Variants in DDC observed in about 807,000 individuals in gnomAD.
The protein encoded by DDC is aromatic-L-amino-acid decarboxylase.
Under a neutral mutation model 60.0 loss-of-function variants are expected in DDC, and 43 were observed. The observed-to-expected ratio is 0.72, with a 90% CI of 0.56 to 0.92. The LOEUF (loss-of-function observed/expected upper bound fraction) is 0.92. DDC is among the 40% of genes least tolerant of loss of function. The pLI is 0.00. For synonymous variants in DDC, 232 were observed against 234.6 expected (o/e 0.99, Z 0.10); for missense variants, 573 against 620.2 (o/e 0.92, Z 0.81).
intron 1 of DDC, among the ~76,000 whole-genome samples, chr7:50,545,266 CACCATGAGT>C (rs2153550896): frequency 6.6e-6 from 1 of 152,268 alleles, no homozygotes; most frequent in South Asian, 2.1e-4. Context: ...GTCTCAAAAG[CACCATGAGT>C]ATTGATATTT....
intron 4 of DDC, among the ~76,000 whole-genome samples, chr7:50,534,316 C>T (rs1470478320): frequency 3.9e-5 from 6 of 152,124 alleles, no homozygotes; most frequent in Non-Finnish European, 7.4e-5. Context: ...ACCACTCTGA[C>T]CGATCTCCTA....
At chr7:50,540,089 G>A (rs1232760251) in intron 2 of DDC, 61 bp from the exon 3 acceptor site, 24 of 1,350,162 alleles carry the variant, frequency 1.8e-5, no homozygotes, top group East Asian at 1.5e-4. Context: ...AAGAGAGCGG[G>A]GGACCCAGGT....
chr7:50,459,400 G>C (rs1270923696), intron 14 of DDC, among the ~76,000 whole-genome samples: 1 of 152,288 alleles, frequency 6.6e-6, no homozygotes. Flanking sequence ...AGTGCGGAGC[G>C]TCTCTGCCTG....
chr7:50,508,173 T>G (rs2043451567), intron 6 of DDC, among the ~76,000 whole-genome samples: 1 of 152,208 alleles, frequency 6.6e-6, no homozygotes, highest in South Asian at 2.1e-4. Flanking sequence ...CTAAGTGGCT[T>G]GTCTACGTGG....
chr7:50,481,174 G>A (rs2042758917), intron 9 of DDC, among the ~76,000 whole-genome samples: 1 of 152,190 alleles, frequency 6.6e-6, no homozygotes, highest in Admixed American at 6.5e-5. Flanking sequence ...TGAGAGAGAG[G>A]CTGGATTTAT....
At chr7:50,487,133 A>G (rs914507575) in intron 9 of DDC, among the ~76,000 whole-genome samples, 2 of 152,242 alleles carry the variant, frequency 1.3e-5, no homozygotes, top group Admixed American at 1.3e-4. Context: ...TCATGTGGAA[A>G]TAATATTTTG....
At chr7:50,479,712 T>A in intron 10 of DDC, 75 bp downstream of exon 10, 1 of 1,288,608 alleles carries the variant, frequency 7.8e-7, no homozygotes, top group Non-Finnish European at 1.1e-6. Flanking sequence ...TTCCCCTAAC[T>A]CCCAGGGACC....
intron 10 of DDC, among the ~76,000 whole-genome samples, chr7:50,478,127 C>A (rs1247120894): frequency 6.6e-6 from 1 of 151,936 alleles, no homozygotes; most frequent in Non-Finnish European, 1.5e-5. Context: ...GTGGGAGGAT[C>A]ACTTGAGCCT....
At chr7:50,510,226 T>C (rs534695935) in intron 6 of DDC, among the ~76,000 whole-genome samples, 5 of 152,032 alleles carry the variant, frequency 3.3e-5, no homozygotes, top group African/African-American at 2.4e-5. Context: ...CCGCCCACCT[T>C]GGCCTCCCAA....
At position 50,528,159 on chromosome 7, in the gene DDC, G is replaced by C. The variant is rs771591175; in HGVS notation, c.692C>G (p.Ala231Gly). 1.2e-6 allele frequency: 2 copies of C among 1,613,362 alleles called. No individual in the cohort carries two copies. Among genetic ancestry groups the C allele is most frequent in the Non-Finnish European group, 1.7e-6 (2 of 1,180,024 alleles). The stretch of plus-strand genomic sequence containing the variant: ...TACAAAGAAAGGAATCAGGCCAGCC[G>C]CTTTGTCTCTCTCCAGGGCTTCCTG... ...ALQEALERDKAAGLIPFFMVA... is the reference protein window; with the variant it reads ...ALQEALERDKGAGLIPFFMVA... Residue 231 changes from alanine (A) to glycine (G), a missense_variant, in exon 6 of 15, where the codon GCG becomes GGG. Transcript: ENST00000444124.
chr7:50,564,822 G>T (rs1283383789), intron 1 of DDC, among the ~76,000 whole-genome samples: 1 of 152,120 alleles, frequency 6.6e-6, no homozygotes, highest in Non-Finnish European at 1.5e-5. Context: ...CCCTGACGGA[G>T]CCTCAGATGT....
Position 50,479,956 on chromosome 7 carries a change from T to C in DDC, c.945-93A>G, listed in dbSNP as rs1326118695. ...CCCCACCTGCCTCAGCTCAGGCACCTGCTCCCAGCCCTGCCCTGAACACCA... is the reference window on the plus strand; with the variant it reads ...CCCCACCTGCCTCAGCTCAGGCACCCGCTCCCAGCCCTGCCCTGAACACCA... On this transcript the variant is annotated intron_variant, in intron 9 of 14. Transcript: ENST00000444124. The C allele has an allele frequency of 4.3e-6, 4 of 925,550 alleles. No individual in the cohort carries two copies. In the Admixed American group the frequency reaches 6.7e-5, roughly 15 times the overall value. The allele number at this position is 925,550 out of a possible 1,614,324, so 57.3% of individuals were successfully genotyped here.
chr7:50,464,588 T>C (rs777713517), intron 13 of DDC, among the ~76,000 whole-genome samples: 21 of 152,178 alleles, frequency 1.4e-4, no homozygotes, highest in Non-Finnish European at 2.9e-4. Context: ...AAGCAAATTA[T>C]TTAGGAAAAA....
rs112260053 is a variant in DDC, at chr7:50,537,452, A to T, written c.435+408T>A. Among the ~76,000 whole-genome samples the T allele has an allele frequency of 1.8e-3, 267 of 152,374 alleles. 2 individuals carry two copies. Among genetic ancestry groups the T allele is most frequent in the African/African-American group, 6.1e-3 (253 of 41,590 alleles). ...TTAAAATGTTTCTTCACTTGTAAAA[A>T]GGGGTACTAAAATGCACAGTGTTGT... On this transcript the variant is annotated intron_variant, in intron 4 of 14. Transcript: ENST00000444124.
intron 11 of DDC, among the ~76,000 whole-genome samples, chr7:50,471,575 G>C (rs563671983): frequency 3.3e-5 from 5 of 152,194 alleles, no homozygotes; most frequent in Admixed American, 2.0e-4. Context: ...GGCCCTGCCC[G>C]GTGTGTTGAC....
At chr7:50,474,705 T>C (rs114644519) in intron 11 of DDC, among the ~76,000 whole-genome samples, 1,744 of 152,324 alleles carry the variant, frequency 0.011, 41 homozygotes, top group African/African-American at 0.04. Flanking sequence ...CAAGTTTATC[T>C]AAAAGGACTT....
chr7:50,515,269 A>G (rs1459195495), intron 6 of DDC, among the ~76,000 whole-genome samples: 1 of 152,188 alleles, frequency 6.6e-6, no homozygotes, highest in Non-Finnish European at 1.5e-5. Flanking sequence ...TCCTCAAACA[A>G]AACAATTGTC....
intron 8 of DDC, among the ~76,000 whole-genome samples, chr7:50,498,291 C>T (rs1480356815): frequency 6.6e-6 from 1 of 152,238 alleles, no homozygotes; most frequent in Non-Finnish European, 1.5e-5. Flanking sequence ...CATCTGCCAT[C>T]ACACATGGGT....
chr7:50,484,783 A>G (rs564398703), intron 9 of DDC, among the ~76,000 whole-genome samples: 1 of 152,284 alleles, frequency 6.6e-6, no homozygotes, highest in Admixed American at 6.5e-5. Context: ...GGGGATCAGG[A>G]AAAGGACCCT....
Sources: gnomAD v4.1 joint callset for allele counts (sites outside exome capture counted in the v4.1 genomes callset) on GRCh38, gnomAD v4.1.1 for gene constraint, MANE v1.5 for transcripts, NCBI Gene and HGNC (gene_info 2026-07-23, HGNC 2026-07-21) for gene names.